The following NUP58 variants were observed in gnomAD, a reference collection of about 807,000 sequenced individuals.
NUP58 encodes the protein nucleoporin p58/p45.
NUP58 carries 17 observed loss-of-function variants against 70.1 expected under a neutral mutation model. The ratio of observed to expected loss-of-function variants is 0.24; its 90% CI spans 0.17 to 0.36. The LOEUF is 0.36. Ranked by LOEUF, NUP58 falls within the 10% of genes least tolerant of loss-of-function variation. NUP58 has a pLI of 1.00. For synonymous variants in NUP58, 275 were observed against 257.6 expected (o/e 1.07, Z -0.65); for missense variants, 644 against 701.5 (o/e 0.92, Z 0.93).
At chr13:25,307,708 T>C in intron 1 of NUP58, 98 bp from the exon 2 acceptor site, 1 of 1,145,428 alleles carries the variant, frequency 8.7e-7, no homozygotes, top group Non-Finnish European at 1.2e-6. Flanking sequence ...GAAATTATCT[T>C]GAAGAGTTAA....
At chr13:25,304,917 A>C (rs551417295) in intron 1 of NUP58, among the ~76,000 whole-genome samples, 56 of 152,218 alleles carry the variant, frequency 3.7e-4, no homozygotes, top group Non-Finnish European at 6.2e-4. Context: ...ATACGATCAG[A>C]CTACTACCAG....
chr13:25,304,479 TA>T lies in NUP58; in HGVS notation c.107+2600del, dbSNP rs1177810383. On this transcript the variant is annotated intron_variant, in intron 1 of 15. Coordinates refer to ENST00000381736, the MANE Select transcript of NUP58 (RefSeq NM_014089.4). ...ATGTCTTCAGTTATGTTGTCAAGAT[TA>T]TATATATATATATATATATATATAT... 0.013 allele frequency among the ~76,000 whole-genome samples: 29 copies of T among 2,246 alleles called. No homozygotes were observed. In the Middle Eastern group the frequency reaches 0.33, roughly 26 times the overall value. The allele number at this position is 2,246 out of a possible 152,430, so 1.5% of individuals were successfully genotyped here. A position where few individuals can be genotyped will look rare whatever the true frequency, so the allele number is the denominator to read the frequency against.
downstream of NUP58, among the ~76,000 whole-genome samples, chr13:25,343,901 G>C (rs936941610): frequency 1.1e-4 from 17 of 150,832 alleles, no homozygotes; most frequent in Admixed American, 2.0e-4. Flanking sequence ...TGGATGGTTA[G>C]GTTCATTTGA....
chr13:25,347,230 A>C (rs1388387509), downstream of NUP58, among the ~76,000 whole-genome samples: 1 of 152,122 alleles, frequency 6.6e-6, no homozygotes, highest in Non-Finnish European at 1.5e-5. Context: ...CAAGTTAGGG[A>C]TTCTCAACCT....
Position 25,320,543 on chromosome 13 carries a change from C to G in NUP58, c.724C>G (p.Leu242Val). 1 of 1,610,428 alleles carries G rather than the reference C, an allele frequency of 6.2e-7. No homozygotes were observed. Among genetic ancestry groups the G allele is most frequent in the East Asian group, 2.2e-5 (1 of 44,716 alleles). The change falls in exon 8 of 16, where the codon CTG (leucine) becomes GTG (valine). Residue 242 changes from leucine to valine, a missense_variant. Transcript: ENST00000381736. ...TGTRPEDSKA[L>V]KDENLPPVIC... ...CATTTTTCTTAGGGATAGTAAAGCT[C>G]TGAAGGATGAAAATCTACCTCCTGT...
chr13:25,343,961 CAT>C (rs1226140473), downstream of NUP58, among the ~76,000 whole-genome samples: 2 of 151,806 alleles, frequency 1.3e-5, no homozygotes, highest in East Asian at 1.9e-4. Flanking sequence ...GCTGAAAAGT[CAT>C]ATAAATTGTG....
intron 1 of NUP58, among the ~76,000 whole-genome samples, chr13:25,307,408 G>T (rs940677296): frequency 6.6e-6 from 1 of 151,670 alleles, no homozygotes; most frequent in Non-Finnish European, 1.5e-5. Flanking sequence ...AAGAGACGAG[G>T]TTTCACCCTG....
chr13:25,304,914 C>T (rs764953398), intron 1 of NUP58, among the ~76,000 whole-genome samples: 3 of 152,104 alleles, frequency 2.0e-5, no homozygotes, highest in Admixed American at 6.5e-5. Context: ...ACAATACGAT[C>T]AGACTACTAC....
At chr13:25,336,252 C>T (rs2031777130) in intron 13 of NUP58, 1 of 1,366,480 alleles carries the variant, frequency 7.3e-7, no homozygotes, top group South Asian at 1.1e-5. Context: ...AAGAATAGAA[C>T]TCAATTATCA....
intron 5 of NUP58, among the ~76,000 whole-genome samples, chr13:25,314,922 T>C (rs2030855614): frequency 6.6e-6 from 1 of 152,170 alleles, no homozygotes; most frequent in Non-Finnish European, 1.5e-5. Context: ...ATTCAATACA[T>C]GTTATATTCA....
intron 13 of NUP58, chr13:25,333,398 C>A (rs1269409424): frequency 1.0e-6 from 1 of 985,226 alleles, no homozygotes. Context: ...TGACTTTTGC[C>A]AGGCTTTGGG....
At position 25,313,598 on chromosome 13, in the gene NUP58, ATC is replaced by A. The variant is rs775505698; in HGVS notation, c.437-10_437-9del. 54 of 1,474,878 alleles carry A rather than the reference ATC, an allele frequency of 3.7e-5. No homozygotes were observed. In the African/African-American group the frequency reaches 7.2e-4, roughly 20 times the overall value. The allele number at this position is 1,474,878 out of a possible 1,614,324, so 91.4% of individuals were successfully genotyped here. On this transcript the variant is annotated splice_polypyrimidine_tract_variant and intron_variant, in intron 4 of 15. Coordinates refer to ENST00000381736, the MANE Select transcript of NUP58 (RefSeq NM_014089.4). The stretch of plus-strand genomic sequence containing the variant: ...ATAAGTTGCCTTTTGAAAGCTTACT[ATC>A]TCTCTTTTTATAGCATCCACAGGAT...
At chr13:25,334,803 T>C in intron 13 of NUP58, 1 of 984,776 alleles carries the variant, frequency 1.0e-6, no homozygotes, top group Non-Finnish European at 1.2e-6. Flanking sequence ...CTGGTTTTGT[T>C]GTGTGTGAAT....
At chr13:25,322,881 A>T (rs921620618) in intron 9 of NUP58, among the ~76,000 whole-genome samples, 4 of 152,202 alleles carry the variant, frequency 2.6e-5, no homozygotes, top group African/African-American at 9.6e-5. Context: ...GAATGTTTAG[A>T]CTGTGATTAA....
In NUP58 at chr13:25,312,962, T is replaced by A; in HGVS notation, c.366T>A (p.Phe122Leu). The A allele has an allele frequency of 6.2e-7, 1 of 1,614,212 alleles. No homozygotes were observed. Among genetic ancestry groups the A allele is most frequent in the Non-Finnish European group, 8.5e-7 (1 of 1,180,022 alleles). Residue 122 changes from phenylalanine (F) to leucine (L), a missense_variant, in exon 4 of 16, where the codon TTT becomes TTA. Phe to Leu is a conservative substitution (Grantham distance 22). Around this residue, in one of 4 missense-constraint regions of NUP58, gnomAD observed 430 missense variants for 409.2 expected, o/e 1.05. Coordinates refer to ENST00000381736, the MANE Select transcript of NUP58 (RefSeq NM_014089.4). ...FNKPAASATPFALPITSTSAS... is the reference protein window; with the variant it reads ...FNKPAASATPLALPITSTSAS... ...AACCTGCAGCATCTGCCACACCATT[T>A]GCTCTACCTATTACCTCTACCTCAG...
chr13:25,347,855 TAAAAAAC>T (rs1042753308), intron 3 of NUP58, among the ~76,000 whole-genome samples: 2 of 152,194 alleles, frequency 1.3e-5, no homozygotes, highest in Non-Finnish European at 2.9e-5. Flanking sequence ...TTTAGTAACT[TAAAAAAC>T]AATAATGTGC....
chr13:25,305,879 A>G (rs1479091626), intron 1 of NUP58, among the ~76,000 whole-genome samples: 3 of 152,080 alleles, frequency 2.0e-5, no homozygotes, highest in Non-Finnish European at 4.4e-5. Context: ...ACCCGGACCC[A>G]AGTAACTTGG....
In NUP58 at chr13:25,324,907, T is replaced by C. The variant is rs566505695; in HGVS notation, c.952-82T>C. 6.9e-4 allele frequency: 624 copies of C among 898,208 alleles called. 1 individual carries two copies. Among genetic ancestry groups the C allele is most frequent in the Non-Finnish European group, 9.9e-4 (562 of 566,882 alleles). 55.6% of individuals were successfully genotyped at this position (898,208 alleles called of 1,614,324 possible). ...TTGTTTGAAGTTTCAGTCCAGAGAC[T>C]GAATATTTTTTTTCGTACGGTATTT... On this transcript the variant is annotated intron_variant, in intron 9 of 15. Transcript: ENST00000381736.
At chr13:25,303,444 C>CTT (rs66496714) in intron 1 of NUP58, among the ~76,000 whole-genome samples, 8 of 146,868 alleles carry the variant, frequency 5.4e-5, no homozygotes, top group Admixed American at 5.4e-4. Context: ...TTTTCTATTT[C>CTT]TTTTTTTTTT....
Sources: gnomAD v4.1 joint callset for allele counts (sites outside exome capture counted in the v4.1 genomes callset) on GRCh38, gnomAD v4.1.1 for gene constraint, gnomAD v4.1.1 regional missense constraint, MANE v1.5 for transcripts, NCBI Gene and HGNC (gene_info 2026-07-23, HGNC 2026-07-21) for gene names.